Variants in SEMA5A observed in about 807,000 individuals in gnomAD.
SEMA5A encodes the protein semaphorin-5A.
SEMA5A carries 55 observed loss-of-function variants against 135.5 expected under a neutral mutation model. The ratio of observed to expected loss-of-function variants is 0.41; its 90% confidence interval spans 0.33 to 0.51. The LOEUF is 0.51. SEMA5A is among the 20% of genes least tolerant of loss of function. The pLI, the probability that SEMA5A is intolerant of heterozygous loss-of-function variation, is 0.37. For synonymous variants in SEMA5A, 580 were observed against 546.5 expected, an observed-to-expected ratio of 1.06 and a Z score of -0.85; for missense variants, 1,290 against 1,419.9, an observed-to-expected ratio of 0.91 and a Z score of 1.47.
chr5:9,528,601 T>G (rs1325728169), intron 1 of SEMA5A, among the ~76,000 whole-genome samples: 1 of 152,144 alleles, frequency 6.6e-6, no homozygotes, highest in Non-Finnish European at 1.5e-5. Context: ...AACGTCCACT[T>G]CCAGTATCGA....
intron 5 of SEMA5A, among the ~76,000 whole-genome samples, chr5:9,301,068 C>G (rs1449161264): frequency 2.0e-5 from 3 of 152,188 alleles, no homozygotes; most frequent in African/African-American, 7.2e-5. Context: ...AACTTATATT[C>G]TCTCTAATGG....
intron 6 of SEMA5A, among the ~76,000 whole-genome samples, chr5:9,228,259 G>A (rs984546870): frequency 6.6e-6 from 1 of 152,182 alleles, no homozygotes; most frequent in Admixed American, 6.5e-5. Context: ...TGAAGGAGCT[G>A]ACAACTAAGT....
chr5:9,263,969 T>C (rs899223265), intron 5 of SEMA5A, among the ~76,000 whole-genome samples: 3 of 152,236 alleles, frequency 2.0e-5, no homozygotes, highest in African/African-American at 7.2e-5. Context: ...TGAATTTCTC[T>C]AGAAAATCTA....
At chr5:9,091,993 G>A (rs1305815570) in intron 16 of SEMA5A, among the ~76,000 whole-genome samples, 2 of 152,156 alleles carry the variant, frequency 1.3e-5, no homozygotes, top group Non-Finnish European at 2.9e-5. Context: ...TCCATTCTTT[G>A]AACACCTGTG....
chr5:9,074,455 A>T (rs562078654), intron 16 of SEMA5A, among the ~76,000 whole-genome samples: 1 of 152,314 alleles, frequency 6.6e-6, no homozygotes, highest in South Asian at 2.1e-4. Context: ...ATAAAATACC[A>T]AAAGCACCAT....
At chr5:9,200,596 G>GA (rs1253796751) in intron 9 of SEMA5A, among the ~76,000 whole-genome samples, 3 of 152,202 alleles carry the variant, frequency 2.0e-5, no homozygotes, top group Admixed American at 1.3e-4. Flanking sequence ...CCAGATTTAT[G>GA]AAAATAAAGA....
chr5:9,057,955 A>G (rs1736980974), intron 18 of SEMA5A, among the ~76,000 whole-genome samples: 1 of 152,202 alleles, frequency 6.6e-6, no homozygotes, highest in Non-Finnish European at 1.5e-5. Context: ...TAAAATAGAC[A>G]TTTCAGAACA....
chr5:9,164,304 T>C (rs1040661011), intron 11 of SEMA5A, among the ~76,000 whole-genome samples: 5 of 145,826 alleles, frequency 3.4e-5, no homozygotes, highest in African/African-American at 5.0e-5. Flanking sequence ...ATTATAAATA[T>C]ATATAATATA....
intron 3 of SEMA5A, among the ~76,000 whole-genome samples, chr5:9,347,493 T>C (rs1195379204): frequency 1.3e-5 from 2 of 152,218 alleles, no homozygotes; most frequent in East Asian, 1.9e-4. Flanking sequence ...GAGTTCCTGA[T>C]TGGGTCTTCC....
intron 3 of SEMA5A, among the ~76,000 whole-genome samples, chr5:9,349,743 T>C (rs1754030831): frequency 6.6e-6 from 1 of 151,734 alleles, no homozygotes; most frequent in Non-Finnish European, 1.5e-5. Flanking sequence ...CCACTAAAAA[T>C]ACAAAAAAAT....
chr5:9,066,703 A>C, intron 16 of SEMA5A, 57 bp from the exon 17 acceptor site: 1 of 1,468,134 alleles, frequency 6.8e-7, no homozygotes, highest in South Asian at 1.1e-5. Flanking sequence ...CAACCTCACG[A>C]AGGGCTCCTT....
intron 1 of SEMA5A, among the ~76,000 whole-genome samples, chr5:9,534,560 C>T (rs1737642351): frequency 6.6e-6 from 1 of 152,156 alleles, no homozygotes; most frequent in African/African-American, 2.4e-5. Flanking sequence ...GCCAGTGTTG[C>T]ATCCCCATGG....
intron 16 of SEMA5A, among the ~76,000 whole-genome samples, chr5:9,085,331 C>T (rs1000154623): frequency 1.3e-5 from 2 of 152,156 alleles, no homozygotes; most frequent in Admixed American, 1.3e-4. Flanking sequence ...GAGGTCTTCA[C>T]GGCAGCCCCT....
intron 2 of SEMA5A, among the ~76,000 whole-genome samples, chr5:9,426,155 T>C (rs1757638175): frequency 6.6e-6 from 1 of 152,140 alleles, no homozygotes; most frequent in Non-Finnish European, 1.5e-5. Context: ...ATTTGTATTG[T>C]GGCCGGGCGC....
At chr5:9,207,347 G>A (rs10051974) in intron 8 of SEMA5A, among the ~76,000 whole-genome samples, 14,659 of 151,406 alleles carry the variant, frequency 0.097, 1,051 homozygotes, top group African/African-American at 0.2. Flanking sequence ...CACCACACCC[G>A]GCTAATTTTG....
At chr5:9,237,711 G>A in intron 6 of SEMA5A, 117 bp downstream of exon 6, 1 of 827,314 alleles carries the variant, frequency 1.2e-6, no homozygotes, top group Non-Finnish European at 1.9e-6. Flanking sequence ...TTTGAATCTT[G>A]CTTTTTTCAC....
rs1490617884 is a variant in SEMA5A at position 9,197,313 on chromosome 5, G to A, written c.933-10C>T. On this transcript the variant is annotated splice_polypyrimidine_tract_variant and intron_variant, in intron 9 of 22. Transcript: ENST00000382496. ...GGCCGCAATGCTGTTCCTGGGAGCG[G>A]AGGGAGAGAGAGAAGGCAGTCAGAG... 5 of 1,589,226 alleles carry A rather than the reference G, an allele frequency of 3.1e-6. No homozygotes were observed. Among genetic ancestry groups the A allele is most frequent in the African/African-American group, 1.5e-5 (1 of 66,442 alleles).
At chr5:9,396,980 T>C (rs1756431932) in intron 2 of SEMA5A, among the ~76,000 whole-genome samples, 1 of 152,144 alleles carries the variant, frequency 6.6e-6, no homozygotes, top group South Asian at 2.1e-4. Flanking sequence ...TTATTATGTG[T>C]TACAAGCATC....
intron 1 of SEMA5A, among the ~76,000 whole-genome samples, chr5:9,479,408 G>C (rs1376254329): frequency 3.3e-5 from 5 of 151,256 alleles, no homozygotes; most frequent in Non-Finnish European, 7.4e-5. Context: ...ACTTAATAAA[G>C]AAAAAAGCAG....
Sources: gnomAD v4.1 joint callset for allele counts (sites outside exome capture counted in the v4.1 genomes callset) on GRCh38, gnomAD v4.1.1 for gene constraint, MANE v1.5 for transcripts, NCBI Gene and HGNC (gene_info 2026-07-23, HGNC 2026-07-21) for gene names.